Variants in MAP1A observed in about 807,000 individuals in gnomAD.
MAP1A encodes microtubule associated protein 1A.
A neutral mutation model predicts 185.9 loss-of-function variants in MAP1A; 42 were observed. The ratio of observed to expected loss-of-function variants is 0.23; its 90% CI spans 0.18 to 0.29. The LOEUF is 0.29. Among genes scored for constraint, MAP1A ranks in the 10% least tolerant of loss-of-function variants. The pLI is 1.00. For synonymous variants in MAP1A, 1,229 were observed against 1,335.9 expected (o/e 0.92, Z 1.74); for missense variants, 2,995 against 3,450.4 (o/e 0.87, Z 3.31).
upstream of MAP1A, among the ~76,000 whole-genome samples, chr15:43,514,682 C>G (rs1010614732): frequency 6.6e-6 from 1 of 152,152 alleles, no homozygotes; most frequent in African/African-American, 2.4e-5. Flanking sequence ...TGGCCCAGCT[C>G]CTTCTAGTGG....
Position 43,526,378 on chromosome 15 carries a change from G to C in MAP1A, c.4905G>C (p.Glu1635Asp). The change falls in exon 4 of 6, where the codon GAG becomes GAC. Residue 1635 changes from glutamate to aspartate, a missense_variant. By Grantham distance (45) the Glu-to-Asp change is conservative. Around this residue, in one of 3 missense-constraint regions of MAP1A, gnomAD observed 2,728 missense variants for 2,986.0 expected, o/e 0.91. Transcript: ENST00000300231. The surrounding 1 kb of genome is among the most constrained non-coding windows in gnomAD (Gnocchi z 4.7). ...ESLVQEGRAR[E>D]QEEKYWRGQD... The stretch of plus-strand genomic sequence containing the variant: ...TAGTGCAGGAGGGCAGGGCCAGAGA[G>C]CAGGAAGAAAAGTACTGGAGGGGGC... 1 of 1,614,216 alleles carries C rather than the reference G, an allele frequency of 6.2e-7. No homozygotes were observed. Among genetic ancestry groups the C allele is most frequent in the Non-Finnish European group, 8.5e-7 (1 of 1,180,042 alleles).
rs148897210 is a variant in MAP1A at position 43,528,888 on chromosome 15, G to C, written c.7415G>C (p.Arg2472Pro). The C allele has an allele frequency of 1.2e-6, 2 of 1,613,312 alleles. No individual in the cohort carries two copies. The highest frequency in any genetic ancestry group is 2.7e-5 in the African/African-American group (2 of 75,002). Residue 2472 changes from arginine (R) to proline (P), a missense_variant, in exon 4 of 6, where the codon CGG becomes CCG. Transcript: ENST00000300231. ...DDRDLSTEEV[R>P]LVGRGGRRRV... Reference sequence around the variant, plus strand: ...AGGGACCTCTCAACTGAGGAAGTTCGGCTAGTAGGAAGAGGGGGGCGGCGC... The same window carrying C: ...AGGGACCTCTCAACTGAGGAAGTTCCGCTAGTAGGAAGAGGGGGGCGGCGC...
At position 43,529,053 on chromosome 15, in the gene MAP1A, C is replaced by T. The variant is rs544329691; in HGVS notation, c.7580C>T (p.Ala2527Val). ...PETEECPSIT[A>V]EAALDSDEDG... is the part of the protein sequence containing the mutation. ...ACTGAGGAGTGTCCGTCCATCACAG[C>T]TGAGGCAGCCCTCGACTCAGATGAA... is the stretch of plus-strand genomic sequence containing the variant. The change falls in exon 4 of 6, where the codon GCT (alanine) becomes GTT (valine). Residue 2527 changes from alanine to valine, a missense_variant. By Grantham distance (64) the Ala-to-Val change is moderately conservative (BLOSUM62 0). Transcript: ENST00000300231. The surrounding 1 kb of genome is among the most constrained non-coding windows in gnomAD (Gnocchi z 4.3). 3.5e-5 allele frequency: 56 copies of T among 1,613,910 alleles called. No homozygotes were observed. In the South Asian group the frequency reaches 6.0e-4, roughly 17 times the overall value.
intron 1 of MAP1A, among the ~76,000 whole-genome samples, chr15:43,518,571 G>A (rs1410533938): frequency 5.9e-5 from 9 of 151,990 alleles, no homozygotes; most frequent in Non-Finnish European, 1.2e-4. Context: ...GGGGGTGGGG[G>A]CGGAGCTGGA....
In MAP1A at chr15:43,526,277, G is replaced by C; in HGVS notation, c.4804G>C (p.Glu1602Gln). The change falls in exon 4 of 6, where the codon GAA becomes CAA. Residue 1602 changes from glutamate to glutamine, a missense_variant. Around this residue, in one of 3 missense-constraint regions of MAP1A, gnomAD observed 2,728 missense variants for 2,986.0 expected, o/e 0.91. Coordinates refer to ENST00000300231, the MANE Select transcript of MAP1A (RefSeq NM_002373.6). This position sits in a 1 kb window ranked among gnomAD's most constrained non-coding sequence, Gnocchi z 4.7. ...AAAGATGCTAGAGGAAAAATCCCCA[G>C]AAAAGGTCAAGGCCATGGAAGAGAA... The part of the protein sequence containing the change: ...KPKMLEEKSP[E>Q]KVKAMEEKLE... The C allele has an allele frequency of 6.2e-7, 1 of 1,614,196 alleles. No individual in the cohort carries two copies. Among genetic ancestry groups the C allele is most frequent in the Non-Finnish European group, 8.5e-7 (1 of 1,180,022 alleles).
chr15:43,527,096 C>T lies in MAP1A; in HGVS notation c.5623C>T (p.Pro1875Ser). 6.3e-7 allele frequency: 1 copy of T among 1,595,220 alleles called. No homozygotes were observed. The highest frequency in any genetic ancestry group is 1.1e-5 in the South Asian group (1 of 87,412). Residue 1875 changes from proline to serine, a missense_variant, in exon 4 of 6, where the codon CCC becomes TCC. Pro to Ser is a moderately conservative substitution (Grantham distance 74). Transcript: ENST00000300231. The part of the protein sequence containing the change: ...TPAPESHTPA[P>S]FSWGTAEYDS... The stretch of plus-strand genomic sequence containing the variant: ...TGCCCCGGAATCCCATACTCCTGCA[C>T]CCTTCTCTTGGGGCACAGCCGAGTA...
chr15:43,523,587 G>A lies in MAP1A; in HGVS notation c.2114G>A (p.Gly705Glu), dbSNP rs759172396. ...SREAFGGREL[G>E]LQGKAPEKET... ...GAGGCTTTTGGGGGTCGGGAATTGGGACTCCAGGGCAAGGCCCCTGAGAAG... is the reference window on the plus strand; with the variant it reads ...GAGGCTTTTGGGGGTCGGGAATTGGAACTCCAGGGCAAGGCCCCTGAGAAG... The change falls in exon 4 of 6, where the codon GGA becomes GAA. Residue 705 changes from glycine (G) to glutamate (E), a missense_variant. By Grantham distance (98) the Gly-to-Glu change is moderately conservative. Transcript: ENST00000300231. 5.0e-6 allele frequency: 8 copies of A among 1,614,026 alleles called. No individual in the cohort carries two copies. Among genetic ancestry groups the A allele is most frequent in the African/African-American group, 1.3e-5 (1 of 74,914 alleles).
At chr15:43,515,141 A>G (rs2079293283), upstream of MAP1A, among the ~76,000 whole-genome samples, 1 of 152,190 alleles carries the variant, frequency 6.6e-6, no homozygotes. Context: ...CCCAGGAGAC[A>G]GAGGTTGCAG....
chr15:43,515,492 G>T (rs772417538), upstream of MAP1A, among the ~76,000 whole-genome samples: 62 of 152,292 alleles, frequency 4.1e-4, no homozygotes, highest in Admixed American at 1.8e-3. Flanking sequence ...AGTTGATCTG[G>T]TCTGAGATCC....
chr15:43,517,487 A>G (rs1418020591), upstream of MAP1A: 1 of 155,584 alleles, frequency 6.4e-6, no homozygotes. Flanking sequence ...TGGAGCTCAG[A>G]CGTCGTGAAG....
At position 43,525,933 on chromosome 15, in the gene MAP1A, A is replaced by C. The variant is rs187628545; in HGVS notation, c.4460A>C (p.Gln1487Pro). ...GAACAAAAGGACAGGGTCCTAGAAC[A>C]GAAGGAGAAGATCCCAGAAGAGAAA... ...DLEQKDRVLE[Q>P]KEKIPEEKDK... is the part of the protein sequence containing the mutation. The change falls in exon 4 of 6, where the codon CAG becomes CCG. Residue 1487 changes from glutamine to proline, a missense_variant. Gln to Pro is a moderately conservative substitution (Grantham distance 76). Transcript: ENST00000300231. The C allele has an allele frequency of 6.2e-7, 1 of 1,613,902 alleles. No individual in the cohort carries two copies. The highest frequency in any genetic ancestry group is 2.2e-5 in the East Asian group (1 of 44,894).
Position 43,528,913 on chromosome 15 carries a change from C to T in MAP1A, c.7440C>T (p.Arg2480=), listed in dbSNP as rs2079358993. 4 of 1,612,952 alleles carry T rather than the reference C, an allele frequency of 2.5e-6. No individual in the cohort carries two copies. Among genetic ancestry groups the T allele is most frequent in the Non-Finnish European group, 3.4e-6 (4 of 1,179,900 alleles). Residue 2480 remains arginine (R), a synonymous_variant, in exon 4 of 6, where the codon CGC becomes CGT. Coordinates refer to ENST00000300231, the MANE Select transcript of MAP1A (RefSeq NM_002373.6). ...GGCTAGTAGGAAGAGGGGGGCGGCG[C>T]CGGGTAGGGGGGCCAGGGACCACTG... ...EVRLVGRGGR[R]RVGGPGTTGG... is the part of the protein sequence containing the mutation.
chr15:43,526,402 G>C lies in MAP1A; in HGVS notation c.4929G>C (p.Gly1643=). ...AREQEEKYWR[G]QDVVQEWQET... is the part of the protein sequence containing the mutation. ...AGCAGGAAGAAAAGTACTGGAGGGG[G>C]CAGGATGTGGTCCAGGAGTGGCAAG... The change falls in exon 4 of 6, where the codon GGG becomes GGC. Residue 1643 remains glycine (G), a synonymous_variant. Coordinates refer to ENST00000300231, the MANE Select transcript of MAP1A (RefSeq NM_002373.6). The surrounding 1 kb of genome is among the most constrained non-coding windows in gnomAD (Gnocchi z 4.7). The C allele has an allele frequency of 6.2e-7, 1 of 1,614,218 alleles. No homozygotes were observed. Among genetic ancestry groups the C allele is most frequent in the African/African-American group, 1.3e-5 (1 of 75,072 alleles).
In MAP1A at chr15:43,524,459, TCTC is replaced by T. The variant is rs759402446; in HGVS notation, c.2991_2993del (p.Pro999del). On this transcript the variant is annotated inframe_deletion, in exon 4 of 6. Coordinates refer to ENST00000300231, the MANE Select transcript of MAP1A (RefSeq NM_002373.6). ...AGATGACAGCACAGTGAAGATGGCT[TCTC>T]CTCCACCATCTGGCCCACCCAGTGC... is the stretch of plus-strand genomic sequence containing the variant. 1 of 1,614,038 alleles carries T rather than the reference TCTC, an allele frequency of 6.2e-7. No individual in the cohort carries two copies. Among genetic ancestry groups the T allele is most frequent in the Non-Finnish European group, 8.5e-7 (1 of 1,179,988 alleles).
Position 43,527,450 on chromosome 15 carries a change from G to C in MAP1A, c.5977G>C (p.Ala1993Pro), listed in dbSNP as rs770203704. 1 of 1,614,168 alleles carries C rather than the reference G, an allele frequency of 6.2e-7. No homozygotes were observed. The highest frequency in any genetic ancestry group is 1.7e-5 in the Admixed American group (1 of 60,028). Residue 1993 changes from alanine (A) to proline (P), a missense_variant, in exon 4 of 6, where the codon GCT becomes CCT. Transcript: ENST00000300231. ...CACTAGAGAGCCTCCACTTGGAGCAGCTGGGGATTGGCCCCCATGCCTCTC... is the reference window on the plus strand; with the variant it reads ...CACTAGAGAGCCTCCACTTGGAGCACCTGGGGATTGGCCCCCATGCCTCTC... ...CPTREPPLGA[A>P]GDWPPCLSTK...
At position 43,526,973 on chromosome 15, in the gene MAP1A, A is replaced by G; in HGVS notation, c.5500A>G (p.Thr1834Ala). 1 of 1,613,460 alleles carries G rather than the reference A, an allele frequency of 6.2e-7. No individual in the cohort carries two copies. The highest frequency in any genetic ancestry group is 1.1e-5 in the South Asian group (1 of 91,010). Residue 1834 changes from threonine to alanine, a missense_variant, in exon 4 of 6, where the codon ACT becomes GCT. Thr to Ala is a moderately conservative substitution (Grantham distance 58). Coordinates refer to ENST00000300231, the MANE Select transcript of MAP1A (RefSeq NM_002373.6). This position sits in a 1 kb window ranked among gnomAD's most constrained non-coding sequence, Gnocchi z 4.7. ...KLMPHMKNEPTTPSWLADIPP... is the reference protein window; with the variant it reads ...KLMPHMKNEPATPSWLADIPP... ...CATGCCACACATGAAGAATGAACCC[A>G]CTACTCCCTCATGGCTGGCTGACAT... is the stretch of plus-strand genomic sequence containing the variant.
Position 43,524,173 on chromosome 15 carries a change from A to G in MAP1A, c.2700A>G (p.Ser900=). Residue 900 remains serine, a synonymous_variant, in exon 4 of 6, where the codon TCA becomes TCG. Coordinates refer to ENST00000300231, the MANE Select transcript of MAP1A (RefSeq NM_002373.6). The stretch of plus-strand genomic sequence containing the variant: ...CTGGTACCATCTCACCCACCTCCTC[A>G]CTGGAAGAAGACAAGGGCTTCAAAT... ...PSAGTISPTS[S]LEEDKGFKSP... is the part of the protein sequence containing the mutation. 3 of 1,614,172 alleles carry G rather than the reference A, an allele frequency of 1.9e-6. No individual in the cohort carries two copies. Among genetic ancestry groups the G allele is most frequent in the Non-Finnish European group, 2.5e-6 (3 of 1,180,016 alleles).
Position 43,529,414 on chromosome 15 carries a change from A to C in MAP1A, c.7941A>C (p.Pro2647=). 6.2e-7 allele frequency: 1 copy of C among 1,613,924 alleles called. No homozygotes were observed. Among genetic ancestry groups the C allele is most frequent in the South Asian group, 1.1e-5 (1 of 91,070 alleles). Residue 2647 remains proline (P), a synonymous_variant, in exon 4 of 6, where the codon CCA becomes CCC. Coordinates refer to ENST00000300231, the MANE Select transcript of MAP1A (RefSeq NM_002373.6). This position sits in a 1 kb window ranked among gnomAD's most constrained non-coding sequence, Gnocchi z 4.3. ...GAGCATCCCGGGCCCCACCTCGACC[A>C]CGCAGCACCACAAGCCAGGTCACCC... The part of the protein sequence containing the change: ...ADRASRAPPR[P]RSTTSQVTPA...
chr15:43,521,099 T>A lies in MAP1A; in HGVS notation c.-164T>A. ...TCATATGAAAACTTTGCCCAGGTCCTTCACAACCCCGAGGTAAGTTCCATG... is the reference window on the plus strand; with the variant it reads ...TCATATGAAAACTTTGCCCAGGTCCATCACAACCCCGAGGTAAGTTCCATG... On this transcript the variant is annotated 5_prime_UTR_variant, in exon 3 of 6. Coordinates refer to ENST00000300231, the MANE Select transcript of MAP1A (RefSeq NM_002373.6). This position sits in a 1 kb window ranked among gnomAD's most constrained non-coding sequence, Gnocchi z 4.6. 1.9e-6 allele frequency: 3 copies of A among 1,547,732 alleles called. No individual in the cohort carries two copies. The highest frequency in any genetic ancestry group is 2.6e-6 in the Non-Finnish European group (3 of 1,146,924).
Sources: gnomAD v4.1 joint callset for allele counts (sites outside exome capture counted in the v4.1 genomes callset) on GRCh38, gnomAD v4.1.1 for gene constraint, gnomAD v4.1.1 regional missense constraint, Gnocchi (gnomAD v3.1) non-coding constraint, MANE v1.5 for transcripts, NCBI Gene and HGNC (gene_info 2026-07-23, HGNC 2026-07-21) for gene names.